ATP11A: variants seen among roughly 807,000 people sequenced by gnomAD.
The protein encoded by ATP11A is ATPase phospholipid transporting 11A.
In ATP11A, 81 loss-of-function variants were observed where a neutral mutation model predicts 154.4. The observed-to-expected ratio is 0.52, with a 90% CI of 0.44 to 0.63. ATP11A has a LOEUF of 0.63. Among genes scored for constraint, ATP11A ranks in the 30% least tolerant of loss-of-function variants. The pLI, the probability that ATP11A is intolerant of heterozygous loss-of-function variation, is 0.00. For synonymous variants in ATP11A, 623 were observed against 585.9 expected (o/e 1.06, Z -0.91); for missense variants, 1,316 against 1,474.3 (o/e 0.89, Z 1.76).
chr13:112,881,113 C>T, intron 29 of ATP11A: 1 of 988,018 alleles, frequency 1.0e-6, no homozygotes, highest in Non-Finnish European at 1.2e-6. Context: ...GACATGGAGG[C>T]CATGAAGACA....
At chr13:112,701,570 T>A (rs934462480) in intron 1 of ATP11A, among the ~76,000 whole-genome samples, 1 of 152,172 alleles carries the variant, frequency 6.6e-6, no homozygotes, top group Non-Finnish European at 1.5e-5. Context: ...CGGTGGCTCA[T>A]GCCTGTAATC....
At chr13:112,819,515 G>A (rs1389583890) in intron 7 of ATP11A, 108 bp downstream of exon 7, 6 of 868,848 alleles carry the variant, frequency 6.9e-6, no homozygotes, top group Middle Eastern at 2.3e-4. Context: ...GAAAGAGAAT[G>A]TAAATCACTG....
chr13:112,707,689 A>G (rs1310820179), intron 1 of ATP11A, among the ~76,000 whole-genome samples: 3 of 152,204 alleles, frequency 2.0e-5, no homozygotes, highest in African/African-American at 7.2e-5. Flanking sequence ...GTGATTTTGA[A>G]GTGTCATCTT....
At chr13:112,711,153 G>T (rs899933638) in intron 1 of ATP11A, among the ~76,000 whole-genome samples, 8 of 152,196 alleles carry the variant, frequency 5.3e-5, no homozygotes, top group South Asian at 2.1e-4. Flanking sequence ...GCTGGGCCGC[G>T]TGCGGCTCTT....
In ATP11A at chr13:112,714,917, G is replaced by A. The variant is rs141503680; in HGVS notation, c.39+24462G>A. ...CCGCTTCTTCCCAAACTGAAACTCC[G>A]TCCCGCTTAAATTCTCTCCTCCTTC... On this transcript the variant is annotated intron_variant, in intron 1 of 29. Transcript: ENST00000375645. Among the ~76,000 whole-genome samples the A allele has an allele frequency of 3.2e-3, 489 of 152,194 alleles. 1 individual carries two copies. Among genetic ancestry groups the A allele is most frequent in the Non-Finnish European group, 5.2e-3 (357 of 68,002 alleles).
At chr13:112,810,381 CCAACGTCTTCGAAGTTCTA>C (rs1319501510) in intron 4 of ATP11A, among the ~76,000 whole-genome samples, 1 of 152,228 alleles carries the variant, frequency 6.6e-6, no homozygotes, top group Non-Finnish European at 1.5e-5. Flanking sequence ...GCATCTTTCT[CCAACGTCTTCGAAGTTCTA>C]CAACTGCAGA....
chr13:112,840,562 C>A (rs1270070315), intron 16 of ATP11A, among the ~76,000 whole-genome samples: 1 of 148,574 alleles, frequency 6.7e-6, no homozygotes, highest in African/African-American at 2.5e-5. Context: ...TCCCCTCCAG[C>A]CTCAGCCTCC....
chr13:112,692,736 C>T (rs571691934), intron 1 of ATP11A, among the ~76,000 whole-genome samples: 32 of 152,282 alleles, frequency 2.1e-4, no homozygotes, highest in Admixed American at 7.2e-4. Flanking sequence ...TATTTACACA[C>T]AGAGCCATTC....
At chr13:112,828,118 G>GAAACGCCCAGCAGTGTTGAGTAGGGGGGA (rs143513857) in intron 12 of ATP11A, among the ~76,000 whole-genome samples, 4 of 122,440 alleles carry the variant, frequency 3.3e-5, no homozygotes, top group East Asian at 2.5e-4. Flanking sequence ...TGAGTGGGGG[G>GAAACGCCCAGCAGTGTTGAGTAGGGGGGA]AAGCGCCCAG....
intron 25 of ATP11A, among the ~76,000 whole-genome samples, chr13:112,865,390 C>T (rs1199205050): frequency 1.3e-5 from 2 of 152,078 alleles, no homozygotes; most frequent in Non-Finnish European, 2.9e-5. Context: ...AGCTTCTCAG[C>T]GGGGTCCATC....
chr13:112,772,353 G>A lies in ATP11A; in HGVS notation c.40-12782G>A, dbSNP rs1181355226. ...CCTGGAGCGGCTGCGGTGGGGCCAT[G>A]TGGCTGGAAGCAGGGCAGTGAGCAG... On this transcript the variant is annotated intron_variant, in intron 1 of 29. Transcript: ENST00000375645. Among the ~76,000 whole-genome samples the A allele has an allele frequency of 3.9e-5, 6 of 152,250 alleles. No homozygotes were observed. In the South Asian group the frequency reaches 1.0e-3, roughly 26 times the overall value.
chr13:112,711,806 G>C (rs1288774632), intron 1 of ATP11A, among the ~76,000 whole-genome samples: 5 of 152,228 alleles, frequency 3.3e-5, no homozygotes, highest in Non-Finnish European at 4.4e-5. Flanking sequence ...GGCAGCTCTT[G>C]GATTGCTGTG....
chr13:112,756,801 CCTGCTCCCAGCGAGGGGT>C lies in ATP11A; in HGVS notation c.40-28322_40-28305del, dbSNP rs1232684484. 8.6e-5 allele frequency among the ~76,000 whole-genome samples: 13 copies of C among 152,036 alleles called. No homozygotes were observed. The Middle Eastern group carries it at 0.01, about 121-fold the overall frequency. ...CCAGAGCAGCTTGTGGCAGCCGGGG[CCTGCTCCCAGCGAGGGGT>C]CTGCTCCCAGCACGGGGCCTGCTCC... On this transcript the variant is annotated intron_variant, in intron 1 of 29. Coordinates refer to ENST00000375645, the MANE Select transcript of ATP11A (RefSeq NM_015205.3).
chr13:112,821,961 C>T (rs2078807819), intron 8 of ATP11A, among the ~76,000 whole-genome samples: 1 of 152,150 alleles, frequency 6.6e-6, no homozygotes, highest in Non-Finnish European at 1.5e-5. Flanking sequence ...CCGGGGAGGA[C>T]GCGCGTGGAG....
rs748014192 is a variant in ATP11A, at chr13:112,819,340, A to T, written c.607A>T (p.Thr203Ser). The T allele has an allele frequency of 5.0e-6, 8 of 1,614,104 alleles. No homozygotes were observed. The Admixed American group carries it at 1.3e-4, about 27-fold the overall frequency. ...YAVQDTKGFH[T>S]EEDIGGLHAT... ...GGTCCAGGACACCAAAGGCTTCCACACAGAGGAGGATATCGGCGGACTTCA... is the reference window on the plus strand; with the variant it reads ...GGTCCAGGACACCAAAGGCTTCCACTCAGAGGAGGATATCGGCGGACTTCA... The change falls in exon 7 of 30, where the codon ACA becomes TCA. Residue 203 changes from threonine to serine, a missense_variant. Physicochemically the swap from Thr to Ser is moderately conservative, Grantham distance 58. Transcript: ENST00000375645.
chr13:112,770,441 A>G (rs2077198421), intron 1 of ATP11A, among the ~76,000 whole-genome samples: 1 of 152,218 alleles, frequency 6.6e-6, no homozygotes, highest in Non-Finnish European at 1.5e-5. Flanking sequence ...TCCAGTCGTT[A>G]CCATGAGTGT....
chr13:112,874,297 G>A (rs1253733810), intron 27 of ATP11A, among the ~76,000 whole-genome samples: 1 of 152,238 alleles, frequency 6.6e-6, no homozygotes, highest in African/African-American at 2.4e-5. Context: ...CCAGGCTGCA[G>A]AGCAGGCATG....
chr13:112,703,979 T>C (rs1388189404), intron 1 of ATP11A, among the ~76,000 whole-genome samples: 1 of 152,224 alleles, frequency 6.6e-6, no homozygotes, highest in African/African-American at 2.4e-5. Context: ...GCCCATACTC[T>C]GTTCACCTGC....
chr13:112,782,127 T>A (rs2077515662), intron 1 of ATP11A, among the ~76,000 whole-genome samples: 1 of 152,258 alleles, frequency 6.6e-6, no homozygotes, highest in Non-Finnish European at 1.5e-5. Context: ...ATCTGAGTTG[T>A]TTTTGATGTA....
Sources: gnomAD v4.1 joint callset for allele counts (sites outside exome capture counted in the v4.1 genomes callset) on GRCh38, gnomAD v4.1.1 for gene constraint, MANE v1.5 for transcripts, NCBI Gene and HGNC (gene_info 2026-07-23, HGNC 2026-07-21) for gene names.